The following FBXO34 variants were observed in gnomAD, a reference collection of about 807,000 sequenced individuals.
The protein encoded by FBXO34 is F-box protein 34.
Under a neutral mutation model 24.5 loss-of-function variants are expected in FBXO34, and 12 were observed. The observed-to-expected ratio is 0.49, with a 90% CI of 0.31 to 0.79. FBXO34 has a LOEUF of 0.79. Among genes scored for constraint, FBXO34 ranks in the 30% least tolerant of loss-of-function variants. The probability of loss-of-function intolerance (pLI) is 0.04; values close to 1 mark genes in which losing one functional copy is unlikely to be tolerated. For missense variants in FBXO34, 823 were observed against 857.7 expected (o/e 0.96, Z 0.51); for synonymous variants, 320 against 311.9 (o/e 1.03, Z -0.27).
the FBXO34 span, among the ~76,000 whole-genome samples, chr14:55,409,326 A>G: frequency 6.6e-6 from 1 of 152,214 alleles, no homozygotes; most frequent in Non-Finnish European, 1.5e-5. Flanking sequence ...ATCATTCCAT[A>G]AATCTTTATT....
the FBXO34 span, among the ~76,000 whole-genome samples, chr14:55,415,590 C>T: frequency 6.6e-6 from 1 of 152,108 alleles, no homozygotes; most frequent in African/African-American, 2.4e-5. Context: ...GTAGGCGGGG[C>T]GTGGTGGCTC....
At chr14:55,345,263 C>G (rs1566565036) in intron 1 of FBXO34, among the ~76,000 whole-genome samples, 1 of 152,174 alleles carries the variant, frequency 6.6e-6, no homozygotes, top group Non-Finnish European at 1.5e-5. Flanking sequence ...ACTCCTCTCC[C>G]TCATCCTCCA....
chr14:55,411,831 GA>G, the FBXO34 span: 1 of 1,581,570 alleles, frequency 6.3e-7, no homozygotes. Flanking sequence ...ATGATGGCCT[GA>G]GAGGAGAGCC....
chr14:55,328,207 C>T (rs114581478), intron 1 of FBXO34, among the ~76,000 whole-genome samples: 7 of 152,014 alleles, frequency 4.6e-5, no homozygotes, highest in African/African-American at 1.7e-4. Context: ...GATCCACCTG[C>T]CCCAGCATTC....
the FBXO34 span, among the ~76,000 whole-genome samples, chr14:55,389,453 C>T: frequency 2.0e-5 from 3 of 152,154 alleles, no homozygotes; most frequent in South Asian, 2.1e-4. Flanking sequence ...TTAGTAATCC[C>T]GTGAAACTCC....
At chr14:55,329,903 T>C (rs1226474911) in intron 1 of FBXO34, among the ~76,000 whole-genome samples, 1 of 152,018 alleles carries the variant, frequency 6.6e-6, no homozygotes, top group Non-Finnish European at 1.5e-5. Flanking sequence ...AATATATATA[T>C]ATATTTTTAA....
At chr14:55,285,743 A>G (rs1437498857) in intron 1 of FBXO34, among the ~76,000 whole-genome samples, 1 of 152,190 alleles carries the variant, frequency 6.6e-6, no homozygotes, top group African/African-American at 2.4e-5. Flanking sequence ...AGGTCTTTTC[A>G]GGTGTTTCAA....
chr14:55,314,516 C>G (rs959208975), intron 1 of FBXO34, among the ~76,000 whole-genome samples: 3 of 139,984 alleles, frequency 2.1e-5, no homozygotes, highest in African/African-American at 7.8e-5. Flanking sequence ...TGAGTCTGTT[C>G]CCTGGGAATG....
At chr14:55,340,928 A>G (rs1265883837) in intron 1 of FBXO34, among the ~76,000 whole-genome samples, 1 of 152,218 alleles carries the variant, frequency 6.6e-6, no homozygotes, top group Non-Finnish European at 1.5e-5. Context: ...AACTCTTTGA[A>G]AGTACTGCAA....
At chr14:55,426,189 C>T in the FBXO34 span, among the ~76,000 whole-genome samples, 1 of 151,642 alleles carries the variant, frequency 6.6e-6, no homozygotes, top group East Asian at 1.9e-4. Context: ...ATCACTTGAA[C>T]CCTGGGGGGT....
intron 3 of FBXO34, among the ~76,000 whole-genome samples, chr14:55,360,742 A>T (rs60824910): frequency 0.019 from 2,856 of 152,228 alleles, 84 homozygotes; most frequent in African/African-American, 0.061. Flanking sequence ...TCACATCTGT[A>T]ATCCCAGCAC....
chr14:55,440,743 G>A, the FBXO34 span: 5 of 568,946 alleles, frequency 8.8e-6, no homozygotes, highest in Non-Finnish European at 1.5e-5. Flanking sequence ...CACTCTGCCC[G>A]CAGCTGGGAA....
chr14:55,311,716 CTTTTT>C (rs1006797189), intron 1 of FBXO34, among the ~76,000 whole-genome samples: 1 of 151,792 alleles, frequency 6.6e-6, no homozygotes, highest in Non-Finnish European at 1.5e-5. Flanking sequence ...TCATTAAATC[CTTTTT>C]TTTATTTTGT....
At chr14:55,403,279 C>T in the FBXO34 span, among the ~76,000 whole-genome samples, 1 of 151,932 alleles carries the variant, frequency 6.6e-6, no homozygotes, top group Non-Finnish European at 1.5e-5. Flanking sequence ...TTCACTGCAA[C>T]GAATGATTCT....
chr14:55,422,893 A>G, the FBXO34 span, among the ~76,000 whole-genome samples: 2 of 151,988 alleles, frequency 1.3e-5, no homozygotes, highest in Non-Finnish European at 2.9e-5. Flanking sequence ...ATATATAGCA[A>G]CCTTCTGTAG....
Position 55,301,767 on chromosome 14 carries a change from C to CT in FBXO34, c.-11+30231dup, listed in dbSNP as rs1882364981. ...GGTTTGATTGGGATCAAGAACAAGT[C>CT]TGTCAGAGTGAGCCAGGCAGTATTA... On this transcript the variant is annotated intron_variant, in intron 1 of 1. Coordinates refer to ENST00000313833, the MANE Select transcript of FBXO34 (RefSeq NM_017943.4). 2.6e-5 allele frequency among the ~76,000 whole-genome samples: 4 copies of CT among 152,152 alleles called. No individual in the cohort carries two copies. The South Asian group carries it at 8.3e-4, about 32-fold the overall frequency.
chr14:55,302,155 C>T (rs966718801), intron 1 of FBXO34, among the ~76,000 whole-genome samples: 3 of 152,174 alleles, frequency 2.0e-5, no homozygotes, highest in African/African-American at 4.8e-5. Flanking sequence ...AGTCCTGGCT[C>T]CTTAAGTGAT....
the FBXO34 span, among the ~76,000 whole-genome samples, chr14:55,406,440 G>C: frequency 2.0e-5 from 3 of 152,248 alleles, no homozygotes; most frequent in Non-Finnish European, 4.4e-5. Flanking sequence ...AGAGTCTAAA[G>C]GCAATCACAG....
At chr14:55,440,984 T>G in the FBXO34 span, among the ~76,000 whole-genome samples, 1 of 152,130 alleles carries the variant, frequency 6.6e-6, no homozygotes, top group Non-Finnish European at 1.5e-5. Context: ...GTAGCTGTGA[T>G]TACAGGTACG....
Sources: gnomAD v4.1 joint callset for allele counts (sites outside exome capture counted in the v4.1 genomes callset) on GRCh38, gnomAD v4.1.1 for gene constraint, MANE v1.5 for transcripts, NCBI Gene and HGNC (gene_info 2026-07-23, HGNC 2026-07-21) for gene names.